ADCY8: variants seen among roughly 807,000 people sequenced by gnomAD.
ADCY8 encodes the protein adenylate cyclase type 8.
ADCY8 carries 51 observed loss-of-function variants against 119.7 expected under a neutral mutation model. The observed-to-expected ratio is 0.43, with a 90% CI of 0.34 to 0.54. The LOEUF is 0.54. Ranked by LOEUF, ADCY8 falls within the 20% of genes least tolerant of loss-of-function variation. The probability of loss-of-function intolerance (pLI) is 0.03; values close to 1 mark genes in which losing one functional copy is unlikely to be tolerated. For missense variants in ADCY8, 1,383 were observed against 1,598.8 expected, an observed-to-expected ratio of 0.87 and a Z score of 2.30; for synonymous variants, 665 against 651.0, an observed-to-expected ratio of 1.02 and a Z score of -0.33.
chr8:130,904,717 A>G (rs1011575224), intron 6 of ADCY8, among the ~76,000 whole-genome samples: 1 of 152,206 alleles, frequency 6.6e-6, no homozygotes, highest in African/African-American at 2.4e-5. Flanking sequence ...GAAGTGACTC[A>G]TGGCTGCACA....
At chr8:130,917,769 G>GTGTA (rs1369948751) in intron 5 of ADCY8, among the ~76,000 whole-genome samples, 8 of 151,778 alleles carry the variant, frequency 5.3e-5, no homozygotes, top group African/African-American at 1.7e-4. Flanking sequence ...GAGTTTGTGT[G>GTGTA]TGTGTGTGTG....
intron 2 of ADCY8, among the ~76,000 whole-genome samples, chr8:130,985,166 T>C (rs903004194): frequency 2.0e-5 from 3 of 152,048 alleles, no homozygotes. Flanking sequence ...GACTCAGCAA[T>C]GCCAAGTGCT....
At chr8:130,782,604 A>G (rs564202637) in intron 17 of ADCY8, among the ~76,000 whole-genome samples, 3 of 152,258 alleles carry the variant, frequency 2.0e-5, no homozygotes, top group South Asian at 4.1e-4. Context: ...ATCTCTGTTC[A>G]GCATTACAGT....
At chr8:130,993,593 A>G (rs546932845) in intron 1 of ADCY8, among the ~76,000 whole-genome samples, 1 of 152,244 alleles carries the variant, frequency 6.6e-6, no homozygotes, top group African/African-American at 2.4e-5. Context: ...TTTCCCCCAT[A>G]CTGTTCTCAT....
chr8:130,822,534 G>C (rs959257805), intron 12 of ADCY8, among the ~76,000 whole-genome samples: 2 of 118,586 alleles, frequency 1.7e-5, no homozygotes, highest in African/African-American at 6.7e-5. Context: ...ATGAATCCAT[G>C]AATCCATCCA....
Position 130,884,853 on chromosome 8 carries a change from A to C in ADCY8, c.1912-92T>G. The C allele has an allele frequency of 3.3e-6, 4 of 1,204,514 alleles. No individual in the cohort carries two copies. The South Asian group carries it at 4.9e-5, about 15-fold the overall frequency. 74.6% of individuals were successfully genotyped at this position (1,204,514 alleles called of 1,614,324 possible). ...TGTTTTTAAATCATGTTGCATTGCAAACAGTAATAGCATTCCATGCAGTTG... is the reference window on the plus strand; with the variant it reads ...TGTTTTTAAATCATGTTGCATTGCACACAGTAATAGCATTCCATGCAGTTG... On this transcript the variant is annotated intron_variant, in intron 7 of 17. Transcript: ENST00000286355.
chr8:130,893,308 G>A (rs1483323424), intron 7 of ADCY8, among the ~76,000 whole-genome samples: 2 of 152,262 alleles, frequency 1.3e-5, no homozygotes, highest in Non-Finnish European at 2.9e-5. Flanking sequence ...GTAAGTGCTG[G>A]GATAAGGTAC....
intron 14 of ADCY8, among the ~76,000 whole-genome samples, chr8:130,808,149 CTA>C (rs957522262): frequency 1.3e-5 from 2 of 152,240 alleles, no homozygotes; most frequent in African/African-American, 2.4e-5. Flanking sequence ...TTCTCTGACA[CTA>C]TGTTATATAT....
chr8:130,904,239 C>T (rs780537203), intron 6 of ADCY8, among the ~76,000 whole-genome samples, 197 bp from the exon 7 acceptor site: 37 of 152,226 alleles, frequency 2.4e-4, no homozygotes, highest in Non-Finnish European at 4.3e-4. Context: ...CACAGTATCA[C>T]GGACATCGTC....
At chr8:131,033,787 C>A (rs1324833101) in intron 1 of ADCY8, among the ~76,000 whole-genome samples, 1 of 151,452 alleles carries the variant, frequency 6.6e-6, no homozygotes, top group Non-Finnish European at 1.5e-5. Context: ...CACACACATA[C>A]ACATGAAGAA....
intron 4 of ADCY8, among the ~76,000 whole-genome samples, chr8:130,938,448 C>T (rs1178256361): frequency 6.6e-6 from 1 of 152,074 alleles, no homozygotes; most frequent in East Asian, 1.9e-4. Flanking sequence ...GGCTGAATGA[C>T]CTCTGAGATG....
intron 1 of ADCY8, among the ~76,000 whole-genome samples, chr8:131,002,378 G>T (rs764751244): frequency 1.3e-5 from 2 of 152,136 alleles, no homozygotes; most frequent in Non-Finnish European, 2.9e-5. Flanking sequence ...AACAGTTATC[G>T]CGAAGGTTAA....
At chr8:130,988,490 AG>A (rs1339002239) in intron 2 of ADCY8, among the ~76,000 whole-genome samples, 3 of 152,214 alleles carry the variant, frequency 2.0e-5, no homozygotes, top group African/African-American at 7.2e-5. Flanking sequence ...CTTTCTACAT[AG>A]TATCTCATTT....
intron 12 of ADCY8, among the ~76,000 whole-genome samples, chr8:130,827,989 C>A (rs531143163): frequency 6.6e-6 from 1 of 152,188 alleles, no homozygotes; most frequent in Admixed American, 6.5e-5. Flanking sequence ...GTGTTTGAAC[C>A]GGCTTCCTTT....
At chr8:130,970,853 G>A (rs534136805) in intron 2 of ADCY8, among the ~76,000 whole-genome samples, 1 of 152,206 alleles carries the variant, frequency 6.6e-6, no homozygotes, top group African/African-American at 2.4e-5. Flanking sequence ...AGGTTATTCT[G>A]AGTGTCCAAT....
chr8:130,952,428 G>T (rs1821302165), intron 2 of ADCY8, among the ~76,000 whole-genome samples: 1 of 152,192 alleles, frequency 6.6e-6, no homozygotes, highest in Non-Finnish European at 1.5e-5. Flanking sequence ...CTGAAAATTT[G>T]GAAGGAGTCT....
chr8:131,022,697 A>G (rs1201640575), intron 1 of ADCY8, among the ~76,000 whole-genome samples: 3 of 152,186 alleles, frequency 2.0e-5, no homozygotes, highest in African/African-American at 4.8e-5. Flanking sequence ...AGTGGAAAGG[A>G]TGAAACCCAT....
intron 1 of ADCY8, among the ~76,000 whole-genome samples, chr8:131,010,673 G>C (rs1305386518): frequency 1.3e-5 from 2 of 152,210 alleles, no homozygotes. Flanking sequence ...TTGACATGGA[G>C]TGAGAAGATG....
chr8:130,998,053 A>G (rs1271747507), intron 1 of ADCY8, among the ~76,000 whole-genome samples: 4 of 152,166 alleles, frequency 2.6e-5, no homozygotes, highest in African/African-American at 9.7e-5. Context: ...AACGAGTTCT[A>G]TGTGTCAGGC....
Sources: gnomAD v4.1 joint callset for allele counts (sites outside exome capture counted in the v4.1 genomes callset) on GRCh38, gnomAD v4.1.1 for gene constraint, MANE v1.5 for transcripts, NCBI Gene and HGNC (gene_info 2026-07-23, HGNC 2026-07-21) for gene names.